LOXL4: variants seen among roughly 807,000 people sequenced by gnomAD.
LOXL4 encodes the protein lysyl oxidase homolog 4.
LOXL4 carries 72 observed loss-of-function variants against 89.1 expected under a neutral mutation model. The ratio of observed to expected loss-of-function variants is 0.81; its 90% CI spans 0.67 to 0.98. The LOEUF is 0.98. Among genes scored for constraint, LOXL4 ranks in the 50% least tolerant of loss-of-function variants. The pLI is 0.00. For synonymous variants in LOXL4, 355 were observed against 392.1 expected, an observed-to-expected ratio of 0.91 and a Z score of 1.12; for missense variants, 984 against 1,017.5, an observed-to-expected ratio of 0.97 and a Z score of 0.45.
At chr10:98,260,822 C>T in intron 4 of LOXL4, 100 bp downstream of exon 4, 19 of 1,277,620 alleles carry the variant, frequency 1.5e-5, no homozygotes, top group Non-Finnish European at 2.1e-5. Context: ...CACTCAGACT[C>T]ATGCACACAC....
chr10:98,256,634 C>T (rs1786834271), intron 9 of LOXL4, 146 bp downstream of exon 9: 5 of 860,456 alleles, frequency 5.8e-6, no homozygotes, highest in Non-Finnish European at 7.3e-6. Context: ...ACACTGTTCC[C>T]AGCACTCAGC....
intron 12 of LOXL4, 184 bp downstream of exon 12, chr10:98,252,169 G>A (rs1382311523): frequency 5.1e-6 from 3 of 582,524 alleles, no homozygotes; most frequent in Non-Finnish European, 9.2e-6. Flanking sequence ...GGAATTCAGA[G>A]GAAGTAAAAA....
rs775524314 is a variant in LOXL4, at chr10:98,262,806, G to A, written c.214C>T (p.Arg72Cys). 29 of 1,613,290 alleles carry A rather than the reference G, an allele frequency of 1.8e-5. No homozygotes were observed. Among genetic ancestry groups the A allele is most frequent in the East Asian group, 1.3e-4 (6 of 44,874 alleles). Residue 72 changes from arginine to cysteine, a missense_variant, in exon 2 of 15, where the codon CGC becomes TGC. By Grantham distance (180) the Arg-to-Cys change is radical (BLOSUM62 -3). Transcript: ENST00000260702. ...FAIQEATVAC[R>C]QLGFEAALTW... ...AAGGCAGCTTCGAAGCCCAGCTGGC[G>A]GCAAGCCACTGTGGCCTCCTGGATA...
chr10:98,252,385 C>G lies in LOXL4; in HGVS notation c.1919G>C (p.Ser640Thr), dbSNP rs779483867. The G allele has an allele frequency of 6.2e-7, 1 of 1,614,110 alleles. No homozygotes were observed. Among genetic ancestry groups the G allele is most frequent in the Non-Finnish European group, 8.5e-7 (1 of 1,179,974 alleles). Reference protein sequence around the residue: ...GSKVAEGHKASFCLEDTNCPT... With the variant: ...GSKVAEGHKATFCLEDTNCPT... Reference sequence around the variant, plus strand: ...GCAGTTTGTGTCCTCCAGACAGAAGCTGGCCTTGTGCCCCTCAGCCACCTT... The same window carrying G: ...GCAGTTTGTGTCCTCCAGACAGAAGGTGGCCTTGTGCCCCTCAGCCACCTT... Residue 640 changes from serine (S) to threonine (T), a missense_variant, in exon 12 of 15, where the codon AGC becomes ACC. Coordinates refer to ENST00000260702, the MANE Select transcript of LOXL4 (RefSeq NM_032211.7).
Position 98,259,036 on chromosome 10 carries a change from CTT to C in LOXL4, c.892_893del (p.Lys298AlafsTer39). 6.4e-7 allele frequency: 1 copy of C among 1,557,264 alleles called. No individual in the cohort carries two copies. ...AGPHFRPPKT[K>X]PQRKGSWAEE... ...CTGCCCAGGACCCTTTGCGTTGTGG[CTT>C]TGTCTTCGGTGGGCGGAAGTGAGGC... On this transcript the variant is annotated frameshift_variant, in exon 6 of 15. Coordinates refer to ENST00000260702, the MANE Select transcript of LOXL4 (RefSeq NM_032211.7). LOFTEE classifies it high-confidence loss of function.
At chr10:98,260,368 GT>G (rs1450871925) in intron 4 of LOXL4, among the ~76,000 whole-genome samples, 1 of 151,948 alleles carries the variant, frequency 6.6e-6, no homozygotes, top group Non-Finnish European at 1.5e-5. Flanking sequence ...GGCCAGAACA[GT>G]TTGTCTAAAC....
chr10:98,257,229 G>T (rs1458929329), intron 8 of LOXL4, among the ~76,000 whole-genome samples: 1 of 152,122 alleles, frequency 6.6e-6, no homozygotes, highest in East Asian at 1.9e-4. Context: ...ATTTGCAAAG[G>T]GCTTTCATGT....
chr10:98,255,716 C>A lies in LOXL4; in HGVS notation c.1452G>T (p.Thr484=). 1 of 1,611,782 alleles carries A rather than the reference C, an allele frequency of 6.2e-7. No individual in the cohort carries two copies. Among genetic ancestry groups the A allele is most frequent in the Non-Finnish European group, 8.5e-7 (1 of 1,178,106 alleles). ...TCATCACCACCTCCTGGGCCCTTGG[C>A]GTCCCCGACCAGAACCAGGTTTCCT... ...AYKETWFWSG[T]PRAQEVVMSG... is the part of the protein sequence containing the mutation. The change falls in exon 10 of 15, where the codon ACG becomes ACT. Residue 484 remains threonine (T), a synonymous_variant. Transcript: ENST00000260702.
chr10:98,256,001 T>C (rs1325344532), intron 9 of LOXL4: 2 of 388,702 alleles, frequency 5.1e-6, no homozygotes, highest in Non-Finnish European at 9.3e-6. Context: ...CCCTCTCTCT[T>C]CCAGATGGCA....
Position 98,262,972 on chromosome 10 carries a change from T to TAGC in LOXL4, c.45_47dup (p.Leu16dup). On this transcript the variant is annotated inframe_insertion, in exon 2 of 15. Transcript: ENST00000260702. The stretch of plus-strand genomic sequence containing the variant: ...GTGGCCTGCTGGGAGGGGGCTGGCC[T>TAGC]AGCAGCAGCAGGAACAGAAAGAGGG... 1 of 1,613,684 alleles carries TAGC rather than the reference T, an allele frequency of 6.2e-7. No homozygotes were observed. Among genetic ancestry groups the TAGC allele is most frequent in the Non-Finnish European group, 8.5e-7 (1 of 1,179,988 alleles).
At position 98,247,964 on chromosome 10, in the gene LOXL4, T is replaced by G. The variant is rs1858085154; in HGVS notation, c.*957A>C. 1 of 152,278 alleles carries G rather than the reference T, an allele frequency of 6.6e-6. No homozygotes were observed. The highest frequency in any genetic ancestry group is 6.5e-5 in the Admixed American group (1 of 15,284). The allele number at this position is 152,278 out of a possible 1,614,324, so 9.4% of individuals were successfully genotyped here. A position where few individuals can be genotyped will look rare whatever the true frequency, so the allele number is the denominator to read the frequency against. On this transcript the variant is annotated 3_prime_UTR_variant, in exon 15 of 15. Coordinates refer to ENST00000260702, the MANE Select transcript of LOXL4 (RefSeq NM_032211.7). ...TCTGCCAAACTTGTTTTCTTATCTC[T>G]GTAGAGATGAGTGGCTTGTTTGATG...
intron 1 of LOXL4, among the ~76,000 whole-genome samples, chr10:98,264,061 G>C (rs1288657646): frequency 1.3e-5 from 2 of 151,834 alleles, no homozygotes; most frequent in East Asian, 3.9e-4. Flanking sequence ...TGAGGAGATG[G>C]AACCACATAT....
At chr10:98,264,982 A>C (rs1340467147) in intron 1 of LOXL4, among the ~76,000 whole-genome samples, 1 of 152,226 alleles carries the variant, frequency 6.6e-6, no homozygotes, top group African/African-American at 2.4e-5. Context: ...GGCCTTGGCC[A>C]GCAGGGCTGG....
At chr10:98,255,944 T>A (rs1410267571) in intron 9 of LOXL4, 4 of 527,070 alleles carry the variant, frequency 7.6e-6, no homozygotes, top group Non-Finnish European at 1.3e-5. Flanking sequence ...CCACCACATA[T>A]GGAGGTAAAA....
intron 9 of LOXL4, chr10:98,256,503 CT>C (rs1858369638): frequency 4.2e-6 from 2 of 474,176 alleles, no homozygotes; most frequent in Non-Finnish European, 7.5e-6. Flanking sequence ...GGCCACAGGG[CT>C]TTTGCATAAG....
intron 4 of LOXL4, 30 bp downstream of exon 4, chr10:98,260,892 C>T (rs1052593228): frequency 1.4e-5 from 22 of 1,576,192 alleles, no homozygotes; most frequent in Non-Finnish European, 1.8e-5. Context: ...ACCCTGCCTC[C>T]TGTGGGGCCT....
At chr10:98,252,913 T>C (rs1253745532) in intron 11 of LOXL4, among the ~76,000 whole-genome samples, 1 of 152,246 alleles carries the variant, frequency 6.6e-6, no homozygotes, top group Non-Finnish European at 1.5e-5. Flanking sequence ...GGAAAGGTGC[T>C]TATTATCTCA....
In LOXL4 at chr10:98,248,897, A is replaced by C. The variant is rs772215911; in HGVS notation, c.*24T>G. ...CTGAGGTATCTGGTGTATCGGCAGCAGCTAGGAGTGTGCAGTGACAGCTTC... is the reference window on the plus strand; with the variant it reads ...CTGAGGTATCTGGTGTATCGGCAGCCGCTAGGAGTGTGCAGTGACAGCTTC... On this transcript the variant is annotated 3_prime_UTR_variant, in exon 15 of 15. Coordinates refer to ENST00000260702, the MANE Select transcript of LOXL4 (RefSeq NM_032211.7). The C allele has an allele frequency of 1.1e-5, 17 of 1,602,284 alleles. No homozygotes were observed. The highest frequency in any genetic ancestry group is 1.5e-5 in the Non-Finnish European group (17 of 1,171,132).
At chr10:98,249,596 A>C (rs1858129447) in intron 14 of LOXL4, among the ~76,000 whole-genome samples, 1 of 152,188 alleles carries the variant, frequency 6.6e-6, no homozygotes, top group Non-Finnish European at 1.5e-5. Context: ...ATAGTCCTTT[A>C]ATTAAATAAA....
Sources: gnomAD v4.1 joint callset for allele counts (sites outside exome capture counted in the v4.1 genomes callset) on GRCh38, gnomAD v4.1.1 for gene constraint, MANE v1.5 for transcripts, NCBI Gene and HGNC (gene_info 2026-07-23, HGNC 2026-07-21) for gene names.